Variants in DYNAP observed in about 807,000 individuals in gnomAD.
DYNAP encodes dynactin-associated protein.
A neutral mutation model predicts 8.5 loss-of-function variants in DYNAP; 7 were observed. That is an observed-to-expected ratio of 0.82 (90% confidence interval 0.47 to 1.54). The LOEUF is 1.54. Ranked by LOEUF, DYNAP falls within the 40% of genes most tolerant of loss-of-function variation. DYNAP has a pLI of 0.01. For synonymous variants in DYNAP, 77 were observed against 77.9 expected (o/e 0.99, Z 0.06); for missense variants, 256 against 224.3 (o/e 1.14, Z -0.90).
the DYNAP span, among the ~76,000 whole-genome samples, chr18:54,578,989 C>T: frequency 1.3e-5 from 2 of 151,968 alleles, no homozygotes; most frequent in Non-Finnish European, 2.9e-5. Context: ...TTAGTAGAGA[C>T]AGGGTTTCAC....
At chr18:54,594,455 T>G (rs1363820264) in intron 1 of DYNAP, among the ~76,000 whole-genome samples, 2 of 152,158 alleles carry the variant, frequency 1.3e-5, no homozygotes, top group Non-Finnish European at 2.9e-5. Flanking sequence ...CTATTCCTAG[T>G]ATAGTGTAGT....
At chr18:54,593,510 T>A (rs1911165899) in intron 1 of DYNAP, among the ~76,000 whole-genome samples, 1 of 152,192 alleles carries the variant, frequency 6.6e-6, no homozygotes, top group Admixed American at 6.5e-5. Flanking sequence ...GTAATTTTAG[T>A]ATTCTCCTTT....
intron 2 of DYNAP, 121 bp downstream of exon 2, chr18:54,595,224 C>A: frequency 8.7e-7 from 1 of 1,154,216 alleles, no homozygotes; most frequent in Non-Finnish European, 1.2e-6. Context: ...TTGTATTAAG[C>A]ATTTGCTGTA....
intron 2 of DYNAP, 152 bp from the exon 3 acceptor site, chr18:54,597,661 C>T (rs1301650277): frequency 2.5e-6 from 2 of 797,752 alleles, no homozygotes; most frequent in East Asian, 2.7e-5. Context: ...ATTATTTCCA[C>T]CTGCATGAAA....
At chr18:54,595,540 C>G (rs1383125767) in intron 2 of DYNAP, among the ~76,000 whole-genome samples, 1 of 152,096 alleles carries the variant, frequency 6.6e-6, no homozygotes, top group Non-Finnish European at 1.5e-5. Context: ...CTCTGTGCAG[C>G]CTCCGAACCT....
intron 2 of DYNAP, 34 bp from the exon 3 acceptor site, chr18:54,597,779 T>A (rs1402237180): frequency 1.9e-6 from 3 of 1,558,580 alleles, no homozygotes; most frequent in Non-Finnish European, 2.6e-6. Flanking sequence ...GCATTTTTGT[T>A]TTTCATTGCT....
chr18:54,591,490 G>T, intron 1 of DYNAP, 151 bp downstream of exon 1: 1 of 832,356 alleles, frequency 1.2e-6, no homozygotes, highest in Non-Finnish European at 1.7e-6. Flanking sequence ...ATCAATTTTT[G>T]TGCTGTAACT....
At chr18:54,596,686 C>T (rs1022509023) in intron 2 of DYNAP, among the ~76,000 whole-genome samples, 2 of 152,100 alleles carry the variant, frequency 1.3e-5, no homozygotes, top group Admixed American at 6.6e-5. Context: ...TTCCTTTTGT[C>T]TGATCATGTG....
In DYNAP at chr18:54,597,855, T is replaced by A. The variant is rs184131469; in HGVS notation, c.265T>A (p.Phe89Ile). The A allele has an allele frequency of 5.6e-6, 9 of 1,613,252 alleles. No homozygotes were observed. Among genetic ancestry groups the A allele is most frequent in the Non-Finnish European group, 8.5e-7 (1 of 1,179,416 alleles). ...CRNDWSMWKVFLACLLACVIM... is the reference protein window; with the variant it reads ...CRNDWSMWKVILACLLACVIM... ...CAATGACTGGTCTATGTGGAAAGTC[T>A]TCCTGGCTTGTCTCTTAGCCTGTGT... Residue 89 changes from phenylalanine to isoleucine, a missense_variant, in exon 3 of 3, where the codon TTC (phenylalanine) becomes ATC (isoleucine). By Grantham distance (21) the Phe-to-Ile change is conservative (BLOSUM62 0). Coordinates refer to ENST00000648945, the MANE Select transcript of DYNAP (RefSeq NM_173629.3).
rs1009639345 is a variant in DYNAP, at chr18:54,598,811, A to T, written c.*666A>T. On this transcript the variant is annotated 3_prime_UTR_variant, in exon 3 of 3. Transcript: ENST00000648945. The stretch of plus-strand genomic sequence containing the variant: ...TCTTTCCAGATCCAGGAGATAATCA[A>T]CTAAGAGCCAGGCACCCTTTTAGGT... The T allele has an allele frequency of 3.3e-5, 5 of 152,184 alleles. No individual in the cohort carries two copies. The highest frequency in any genetic ancestry group is 7.2e-5 in the African/African-American group (3 of 41,446). 9.4% of individuals were successfully genotyped at this position (152,184 alleles called of 1,614,324 possible). A position where few individuals can be genotyped will look rare whatever the true frequency, so the allele number is the denominator to read the frequency against.
chr18:54,587,531 A>G (rs368844027), upstream of DYNAP, among the ~76,000 whole-genome samples: 3 of 151,900 alleles, frequency 2.0e-5, no homozygotes, highest in Admixed American at 1.3e-4. Flanking sequence ...GTAGCCTGAA[A>G]CACACATTAA....
chr18:54,587,938 G>T, upstream of DYNAP: 1 of 400,134 alleles, frequency 2.5e-6, no homozygotes. Context: ...TTCTGTAGAA[G>T]TTGTTATATA....
chr18:54,590,454 G>C (rs1023861568), upstream of DYNAP, among the ~76,000 whole-genome samples: 5 of 151,996 alleles, frequency 3.3e-5, no homozygotes, highest in African/African-American at 1.2e-4. Flanking sequence ...TGAAGGTATT[G>C]AATACATTTA....
At chr18:54,585,059 A>G (rs980494850), upstream of DYNAP, among the ~76,000 whole-genome samples, 1 of 152,138 alleles carries the variant, frequency 6.6e-6, no homozygotes, top group African/African-American at 2.4e-5. Context: ...GGAATGAATC[A>G]AAGAGGGGCA....
chr18:54,581,896 CA>C, the DYNAP span, among the ~76,000 whole-genome samples: 1 of 152,102 alleles, frequency 6.6e-6, no homozygotes, highest in Admixed American at 6.6e-5. Context: ...AAAGTTCTGC[CA>C]GCAATTTTAA....
At chr18:54,578,786 T>C in the DYNAP span, among the ~76,000 whole-genome samples, 3 of 152,160 alleles carry the variant, frequency 2.0e-5, no homozygotes, top group Admixed American at 6.5e-5. Flanking sequence ...TTTTTTATTT[T>C]ATTTTTTATT....
the DYNAP span, among the ~76,000 whole-genome samples, chr18:54,577,561 G>C: frequency 7.2e-6 from 1 of 139,036 alleles, no homozygotes; most frequent in Non-Finnish European, 1.5e-5. Context: ...AGCCTGGACA[G>C]TGTAAGACCT....
the DYNAP span, among the ~76,000 whole-genome samples, chr18:54,582,508 T>C: frequency 6.6e-6 from 1 of 152,256 alleles, no homozygotes; most frequent in African/African-American, 2.4e-5. Flanking sequence ...TATGTATTTG[T>C]TTAATAAATG....
upstream of DYNAP, among the ~76,000 whole-genome samples, chr18:54,585,125 T>C (rs150762881): frequency 2.6e-5 from 4 of 152,142 alleles, no homozygotes; most frequent in African/African-American, 7.2e-5. Flanking sequence ...GAGGGTGCAA[T>C]CCTTATTTCT....
Sources: allele counts gnomAD v4.1 joint callset (sites outside exome capture counted in the v4.1 genomes callset), GRCh38; gene constraint gnomAD v4.1.1; transcripts MANE v1.5; gene names NCBI Gene and HGNC (gene_info 2026-07-23, HGNC 2026-07-21).